Variants in ANO1 observed in about 807,000 individuals in gnomAD.
ANO1 encodes anoctamin 1.
Under a neutral mutation model 124.0 loss-of-function variants are expected in ANO1, and 59 were observed. The ratio of observed to expected loss-of-function variants is 0.48; its 90% CI spans 0.39 to 0.59. The LOEUF is 0.59. Ranked by LOEUF, ANO1 falls within the 20% of genes least tolerant of loss-of-function variation. ANO1 has a pLI of 0.00. For synonymous variants in ANO1, 529 were observed against 532.0 expected, an observed-to-expected ratio of 0.99 and a Z score of 0.08; for missense variants, 1,059 against 1,328.0, an observed-to-expected ratio of 0.80 and a Z score of 3.15.
chr11:70,096,369 C>T (rs2044961237), intron 2 of ANO1, among the ~76,000 whole-genome samples: 1 of 152,156 alleles, frequency 6.6e-6, no homozygotes, highest in Non-Finnish European at 1.5e-5. Context: ...CGTATCGGTC[C>T]GTGGCCTTTT....
At chr11:70,019,122 T>C (rs1297441550) in intron 1 of ANO1, among the ~76,000 whole-genome samples, 1 of 152,112 alleles carries the variant, frequency 6.6e-6, no homozygotes, top group Admixed American at 6.5e-5. Flanking sequence ...GTTCAACAAA[T>C]GTTGAGAGCC....
In ANO1 at chr11:70,170,957, C is replaced by T; in HGVS notation, c.2268C>T (p.Asn756=). The T allele has an allele frequency of 6.2e-7, 1 of 1,613,474 alleles. No individual in the cohort carries two copies. Among genetic ancestry groups the T allele is most frequent in the South Asian group, 1.1e-5 (1 of 90,948 alleles). The part of the protein sequence containing the change: ...FPLAPLFALL[N]NIIEIRLDAK... ...TGGCCCCACTGTTTGCGCTGCTGAA[C>T]AACATCATCGAGATCCGCCTGGACG... is the stretch of plus-strand genomic sequence containing the variant. The change falls in exon 22 of 26, where the codon AAC becomes AAT. Residue 756 remains asparagine (N), a synonymous_variant. Transcript: ENST00000355303.
At chr11:70,031,439 C>T (rs150030678) in intron 1 of ANO1, among the ~76,000 whole-genome samples, 3 of 152,312 alleles carry the variant, frequency 2.0e-5, no homozygotes, top group East Asian at 1.9e-4. Context: ...GGAAAGGCCC[C>T]GTGCCTCCTG....
At chr11:70,096,438 C>G (rs2044964326) in intron 2 of ANO1, among the ~76,000 whole-genome samples, 1 of 152,344 alleles carries the variant, frequency 6.6e-6, no homozygotes, top group South Asian at 2.1e-4. Flanking sequence ...CCTACCTGAG[C>G]TCTGCCTCCT....
chr11:69,974,838 G>A, the ANO1 span, among the ~76,000 whole-genome samples: 7 of 150,014 alleles, frequency 4.7e-5, no homozygotes, highest in Non-Finnish European at 1.0e-4. Context: ...GCAAGCAACA[G>A]GATCGGAGTC....
At chr11:69,975,045 C>G in the ANO1 span, among the ~76,000 whole-genome samples, 2 of 152,170 alleles carry the variant, frequency 1.3e-5, no homozygotes, top group Admixed American at 1.3e-4. Flanking sequence ...GAGGGGCTGG[C>G]GTCCCACCCC....
chr11:70,090,933 C>T (rs181200674), intron 2 of ANO1, among the ~76,000 whole-genome samples: 80 of 152,302 alleles, frequency 5.3e-4, no homozygotes, highest in African/African-American at 1.6e-3. Context: ...CTGCTGGAGC[C>T]TCTCAAATCA....
chr11:70,110,570 C>A (rs779054781), intron 6 of ANO1, among the ~76,000 whole-genome samples: 4 of 152,144 alleles, frequency 2.6e-5, no homozygotes, highest in Non-Finnish European at 5.9e-5. Context: ...TTCTAAGCAT[C>A]CCTTAGTCCC....
chr11:70,009,276 G>T (rs61886391), intron 1 of ANO1, among the ~76,000 whole-genome samples: 13,990 of 152,156 alleles, frequency 0.092, 990 homozygotes, highest in East Asian at 0.4. Context: ...TACGAATGTG[G>T]TTGTGTGAGG....
chr11:69,977,889 C>T, the ANO1 span, among the ~76,000 whole-genome samples: 1 of 152,248 alleles, frequency 6.6e-6, no homozygotes. Context: ...AATGAATTAT[C>T]TCCCCTCTCC....
upstream of ANO1, among the ~76,000 whole-genome samples, chr11:70,077,931 C>A (rs1255879132): frequency 2.0e-5 from 3 of 152,094 alleles, no homozygotes; most frequent in Non-Finnish European, 4.4e-5. Context: ...AGGAACCAGG[C>A]AAGCTCCCCG....
chr11:70,078,942 A>T (rs2044117890), intron 1 of ANO1, among the ~76,000 whole-genome samples: 1 of 151,524 alleles, frequency 6.6e-6, no homozygotes, highest in Non-Finnish European at 1.5e-5. Flanking sequence ...CGCGGCGCCC[A>T]CTCCGCCCAG....
chr11:70,012,736 C>T (rs1309318528), intron 1 of ANO1, among the ~76,000 whole-genome samples: 1 of 152,170 alleles, frequency 6.6e-6, no homozygotes, highest in Non-Finnish European at 1.5e-5. Flanking sequence ...TCCATCCATC[C>T]ATTCTTTCAT....
intron 18 of ANO1, among the ~76,000 whole-genome samples, chr11:70,162,885 C>G (rs567199675): frequency 1.3e-5 from 2 of 152,368 alleles, no homozygotes; most frequent in Non-Finnish European, 2.9e-5. Flanking sequence ...GCCCAAGGTC[C>G]CCAGAGTGCT....
At chr11:69,973,074 T>A in the ANO1 span, among the ~76,000 whole-genome samples, 1 of 152,038 alleles carries the variant, frequency 6.6e-6, no homozygotes, top group Non-Finnish European at 1.5e-5. Flanking sequence ...CACACCCAGA[T>A]AATTTTTGTA....
chr11:70,153,747 G>A (rs758527913), intron 14 of ANO1, among the ~76,000 whole-genome samples: 7 of 152,040 alleles, frequency 4.6e-5, no homozygotes, highest in South Asian at 2.1e-4. Flanking sequence ...GGTGCTTGCC[G>A]GCTTTGTTTG....
In ANO1 at chr11:70,078,708, G is replaced by T; in HGVS notation, c.102G>T (p.Glu34Asp). The change falls in exon 1 of 26, where the codon GAG (glutamate) becomes GAT (aspartate). Residue 34 changes from glutamate to aspartate, a missense_variant. Physicochemically the swap from Glu to Asp is conservative, Grantham distance 45. Coordinates refer to ENST00000355303, the MANE Select transcript of ANO1 (RefSeq NM_018043.7). ...AIEDIGYLPS[E>D]GTLLNSLSVD... ...AGGACATCGGCTACCTGCCGTCCGA[G>T]GGCACGGTGAGTGCGGGCGGCCGCG... 6.7e-7 allele frequency: 1 copy of T among 1,481,496 alleles called. No homozygotes were observed. Among genetic ancestry groups the T allele is most frequent in the East Asian group, 3.1e-5 (1 of 32,602 alleles). The allele number at this position is 1,481,496 out of a possible 1,614,324, so 91.8% of individuals were successfully genotyped here. A position where few individuals can be genotyped will look rare whatever the true frequency, so the allele number is the denominator to read the frequency against.
chr11:70,067,473 G>T (rs900642094), intron 1 of ANO1, among the ~76,000 whole-genome samples: 1 of 151,986 alleles, frequency 6.6e-6, no homozygotes. Context: ...GATTACAGGC[G>T]CCTGCCATCA....
intron 16 of ANO1, 36 bp from the exon 17 acceptor site, chr11:70,161,125 G>A: frequency 6.3e-7 from 1 of 1,586,806 alleles, no homozygotes; most frequent in Non-Finnish European, 8.6e-7. Flanking sequence ...GTCCTGGGTG[G>A]GCCCCCAACC....
Sources: gnomAD v4.1 joint callset for allele counts (sites outside exome capture counted in the v4.1 genomes callset) on GRCh38, gnomAD v4.1.1 for gene constraint, MANE v1.5 for transcripts, NCBI Gene and HGNC (gene_info 2026-07-23, HGNC 2026-07-21) for gene names.